Variants in ZNF469 observed in about 807,000 individuals in gnomAD.
ZNF469 encodes zinc finger protein 469.
In ZNF469, 1 loss-of-function variant was observed where a neutral mutation model predicts 1.0. The ratio of observed to expected loss-of-function variants is 1.00; its 90% CI spans 0.35 to 4.73. The LOEUF (loss-of-function observed/expected upper bound fraction) is 4.73. ZNF469 is among the 30% of genes most tolerant of loss of function. ZNF469 has a pLI of 0.16. For missense variants in ZNF469, 6,100 were observed against 5,356.3 expected (o/e 1.14, Z -4.33); for synonymous variants, 2,703 against 2,363.4 (o/e 1.14, Z -4.17).
At chr16:88,223,518 C>G in the ZNF469 span, among the ~76,000 whole-genome samples, 1 of 152,174 alleles carries the variant, frequency 6.6e-6, no homozygotes, top group Non-Finnish European at 1.5e-5. Flanking sequence ...ATCACACAAC[C>G]TTTTCACTCA....
chr16:88,250,821 C>T, the ZNF469 span, among the ~76,000 whole-genome samples: 55 of 152,278 alleles, frequency 3.6e-4, no homozygotes, highest in East Asian at 6.0e-3. Flanking sequence ...TATCACGCAT[C>T]TGTTGTAGTT....
chr16:88,178,856 C>G, the ZNF469 span: 1 of 144,818 alleles, frequency 6.9e-6, no homozygotes, highest in Non-Finnish European at 1.6e-5. Flanking sequence ...ACCACCTTCA[C>G]CTGGAGGCCG....
At chr16:88,202,666 C>A in the ZNF469 span, among the ~76,000 whole-genome samples, 1 of 152,274 alleles carries the variant, frequency 6.6e-6, no homozygotes, top group African/African-American at 2.4e-5. Context: ...CCTTAGGAAA[C>A]GTTGTGTCTG....
chr16:88,431,650 T>C lies in ZNF469; in HGVS notation c.4180T>C (p.Phe1394Leu). Reference sequence around the variant, plus strand: ...CGGACCCAAAGACCTGGCTGGCTGTTTCCTGGAAGAACTGCACCCCAAGCC... The same window carrying C: ...CGGACCCAAAGACCTGGCTGGCTGTCTCCTGGAAGAACTGCACCCCAAGCC... ...FLGPKDLAGC[F>L]LEELHPKPSA... is the part of the protein sequence containing the mutation. Residue 1394 changes from phenylalanine to leucine, a missense_variant, in exon 3 of 3, where the codon TTC (phenylalanine) becomes CTC (leucine). Coordinates refer to ENST00000565624, the MANE Select transcript of ZNF469 (RefSeq NM_001367624.2). 1 of 1,550,394 alleles carries C rather than the reference T, an allele frequency of 6.4e-7. No individual in the cohort carries two copies. Among genetic ancestry groups the C allele is most frequent in the South Asian group, 1.2e-5 (1 of 84,048 alleles).
chr16:88,273,199 G>A, the ZNF469 span, among the ~76,000 whole-genome samples: 1 of 152,056 alleles, frequency 6.6e-6, no homozygotes, highest in Non-Finnish European at 1.5e-5. Context: ...ATGGATGCAT[G>A]AATGAAGTTG....
chr16:88,433,572 C>G lies in ZNF469; in HGVS notation c.6102C>G (p.Val2034=), dbSNP rs1373505521. The change falls in exon 3 of 3, where the codon GTC becomes GTG. Residue 2034 remains valine (V), a synonymous_variant. Coordinates refer to ENST00000565624, the MANE Select transcript of ZNF469 (RefSeq NM_001367624.2). ...TALTGPTEGA[V]LLEKCKGSRA... is the part of the protein sequence containing the mutation. ...TGACCGGCCCCACCGAGGGTGCAGT[C>G]CTGCTAGAGAAATGCAAGGGAAGCA... 1 of 1,550,360 alleles carries G rather than the reference C, an allele frequency of 6.5e-7. No individual in the cohort carries two copies. The highest frequency in any genetic ancestry group is 1.4e-5 in the African/African-American group (1 of 73,176).
chr16:88,109,639 T>TTGCTCACCTTTG, the ZNF469 span, among the ~76,000 whole-genome samples: 1 of 145,298 alleles, frequency 6.9e-6, no homozygotes, highest in African/African-American at 2.6e-5. Context: ...GATCAGGAGG[T>TTGCTCACCTTTG]GCTGAGCGTC....
At chr16:88,143,849 T>A in the ZNF469 span, among the ~76,000 whole-genome samples, 2 of 152,128 alleles carry the variant, frequency 1.3e-5, no homozygotes, top group Admixed American at 1.3e-4. Context: ...TCTTCACTTG[T>A]CTGCCTGGCT....
the ZNF469 span, among the ~76,000 whole-genome samples, chr16:88,221,478 C>T: frequency 6.6e-6 from 1 of 152,236 alleles, no homozygotes; most frequent in Non-Finnish European, 1.5e-5. Flanking sequence ...GCCTTGTAGA[C>T]GAGCAAGAAT....
the ZNF469 span, among the ~76,000 whole-genome samples, chr16:88,124,396 T>C: frequency 6.6e-6 from 1 of 152,020 alleles, no homozygotes; most frequent in Admixed American, 6.5e-5. Context: ...CTGCTAATTT[T>C]TGTATTTTTT....
chr16:88,437,474 C>T lies in ZNF469; in HGVS notation c.10004C>T (p.Pro3335Leu), dbSNP rs1473390895. The part of the protein sequence containing the change: ...ATPVHEACKD[P>L]SRDCHHCGKR... ...CCGGTGCACGAGGCCTGCAAGGACC[C>T]CTCCCGCGACTGCCACCACTGCGGG... Residue 3335 changes from proline to leucine, a missense_variant, in exon 3 of 3, where the codon CCC becomes CTC. Transcript: ENST00000565624. 3.3e-6 allele frequency: 5 copies of T among 1,537,068 alleles called. No individual in the cohort carries two copies. Among genetic ancestry groups the T allele is most frequent in the Middle Eastern group, 1.7e-4 (1 of 5,854 alleles).
the ZNF469 span, among the ~76,000 whole-genome samples, chr16:88,205,492 C>T: frequency 6.6e-6 from 1 of 152,152 alleles, no homozygotes; most frequent in Non-Finnish European, 1.5e-5. This position sits in a 1 kb window ranked among gnomAD's most constrained non-coding sequence, Gnocchi z 4.2. Context: ...TAACATCAAC[C>T]TCATAGTTTT....
the ZNF469 span, among the ~76,000 whole-genome samples, chr16:88,267,257 C>T: frequency 0.24 from 36,263 of 151,684 alleles, 4,553 homozygotes; most frequent in East Asian, 0.44. Flanking sequence ...CATGGAGCCC[C>T]GCCTCCACCC....
the ZNF469 span, among the ~76,000 whole-genome samples, chr16:88,259,336 G>A: frequency 6.7e-6 from 1 of 148,554 alleles, no homozygotes; most frequent in East Asian, 2.0e-4. This position sits in a 1 kb window ranked among gnomAD's most constrained non-coding sequence, Gnocchi z 4.1. Context: ...GCCGCATCCC[G>A]CGCCCCCATC....
the ZNF469 span, among the ~76,000 whole-genome samples, chr16:88,334,604 G>A: frequency 1.6e-3 from 239 of 152,340 alleles, no homozygotes; most frequent in Admixed American, 2.5e-3. Context: ...AGGTCAAACT[G>A]TGACCAATTC....
upstream of ZNF469, among the ~76,000 whole-genome samples, chr16:88,380,139 A>G (rs1255504398): frequency 1.7e-5 from 2 of 120,212 alleles, no homozygotes; most frequent in Non-Finnish European, 3.7e-5. Flanking sequence ...ACACAGACAC[A>G]CACTCACACA....
Position 88,428,943 on chromosome 16 carries a change from C to A in ZNF469, c.1473C>A (p.Ala491=). ...CTTGGCCCCAAGTGCTCCCGACCGC[C>A]CGGCCAAGTCCCCACGGAATGGAGA... The part of the protein sequence containing the change: ...PLPWPQVLPT[A]RPSPHGMEML... The change falls in exon 3 of 3, where the codon GCC becomes GCA. Residue 491 remains alanine (A), a synonymous_variant. Transcript: ENST00000565624. The A allele has an allele frequency of 6.5e-7, 1 of 1,547,074 alleles. No homozygotes were observed. The highest frequency in any genetic ancestry group is 8.7e-7 in the Non-Finnish European group (1 of 1,145,836).
chr16:88,125,384 C>G, the ZNF469 span, among the ~76,000 whole-genome samples: 1 of 152,154 alleles, frequency 6.6e-6, no homozygotes, highest in Non-Finnish European at 1.5e-5. Context: ...TGAAACTATT[C>G]CAAAAGACGG....
At chr16:88,143,942 C>T in the ZNF469 span, among the ~76,000 whole-genome samples, 1 of 152,200 alleles carries the variant, frequency 6.6e-6, no homozygotes, top group Non-Finnish European at 1.5e-5. Context: ...ACCGAGAGCC[C>T]CTGGCTCTGG....
Sources: gnomAD v4.1 joint callset for allele counts (sites outside exome capture counted in the v4.1 genomes callset) on GRCh38, gnomAD v4.1.1 for gene constraint, Gnocchi (gnomAD v3.1) non-coding constraint, MANE v1.5 for transcripts, NCBI Gene and HGNC (gene_info 2026-07-23, HGNC 2026-07-21) for gene names.